The following CYP39A1 variants were observed in gnomAD, a reference collection of about 807,000 sequenced individuals.
The protein encoded by CYP39A1 is cytochrome P450 family 39 subfamily A member 1, also known as 24-hydroxycholesterol 7-alpha-hydroxylase.
Under a neutral mutation model 58.1 loss-of-function variants are expected in CYP39A1, and 49 were observed. The observed-to-expected ratio is 0.84, with a 90% CI of 0.67 to 1.07. The LOEUF is 1.07. Among genes scored for constraint, CYP39A1 ranks in the 50% least tolerant of loss-of-function variants. The probability of loss-of-function intolerance (pLI) is 0.00; values close to 1 mark genes in which losing one functional copy is unlikely to be tolerated. For missense variants in CYP39A1, 531 were observed against 539.4 expected (o/e 0.98, Z 0.16); for synonymous variants, 209 against 187.6 (o/e 1.11, Z -0.93).
At chr6:46,609,745 C>A (rs1283209721) in intron 7 of CYP39A1, among the ~76,000 whole-genome samples, 1 of 152,104 alleles carries the variant, frequency 6.6e-6, no homozygotes, top group Non-Finnish European at 1.5e-5. Flanking sequence ...GCTGAGAGAC[C>A]CTTCAAAAAT....
At chr6:46,648,698 T>G (rs184335483) in intron 1 of CYP39A1, among the ~76,000 whole-genome samples, 23 of 152,088 alleles carry the variant, frequency 1.5e-4, no homozygotes, top group Admixed American at 1.5e-3. Context: ...CCTACTCTTA[T>G]GCAAACAGTA....
At chr6:46,615,229 T>A (rs1774454025) in intron 7 of CYP39A1, among the ~76,000 whole-genome samples, 1 of 147,540 alleles carries the variant, frequency 6.8e-6, no homozygotes. Flanking sequence ...TATATATGAG[T>A]ATAAAAAATA....
intron 8 of CYP39A1, among the ~76,000 whole-genome samples, chr6:46,593,191 C>A (rs549325580): frequency 6.6e-6 from 1 of 151,998 alleles, no homozygotes; most frequent in Non-Finnish European, 1.5e-5. Flanking sequence ...TAGATAGTTG[C>A]GGTAGTACAT....
intron 10 of CYP39A1, among the ~76,000 whole-genome samples, chr6:46,565,812 C>A (rs375521869): frequency 1.3e-5 from 2 of 152,162 alleles, no homozygotes; most frequent in Non-Finnish European, 2.9e-5. Context: ...CCCGACATCA[C>A]CTCATTGTTA....
chr6:46,559,183 G>A (rs1770834134), intron 10 of CYP39A1, among the ~76,000 whole-genome samples: 1 of 152,080 alleles, frequency 6.6e-6, no homozygotes, highest in Non-Finnish European at 1.5e-5. Flanking sequence ...CAAGTCCCAA[G>A]GACAACCATG....
Position 46,576,262 on chromosome 6 carries a change from G to A in CYP39A1, c.1250+10815C>T, listed in dbSNP as rs376827284. Among the ~76,000 whole-genome samples the A allele has an allele frequency of 8.5e-5, 13 of 152,174 alleles. No individual in the cohort carries two copies. In the South Asian group the frequency reaches 2.1e-3, roughly 24 times the overall value. On this transcript the variant is annotated intron_variant, in intron 10 of 11. Coordinates refer to ENST00000275016, the MANE Select transcript of CYP39A1 (RefSeq NM_016593.5). ...ATCCAATCACCTCCCACCAGGACCC[G>A]CCTCCAAAACGAAGGATTCCAATTC...
rs3799871 is a variant in CYP39A1 at position 46,617,140 on chromosome 6, T to G, written c.931+8278A>C. On this transcript the variant is annotated intron_variant, in intron 7 of 11. Transcript: ENST00000275016. ...CCCTTAATTTCTTTGGGTAATTCTA[T>G]TGTCTTGGCAGACACATCATATTGT... Among the ~76,000 whole-genome samples the G allele has an allele frequency of 4.7e-3, 723 of 152,270 alleles. 26 individuals are homozygous for G. In the East Asian group the frequency reaches 0.085, roughly 18 times the overall value.
At chr6:46,566,085 T>C (rs1168349593) in intron 10 of CYP39A1, among the ~76,000 whole-genome samples, 1 of 152,176 alleles carries the variant, frequency 6.6e-6, no homozygotes, top group Admixed American at 6.5e-5. Flanking sequence ...TTTGACATAC[T>C]GTTTTCTGTT....
chr6:46,632,731 C>T (rs1401430794), intron 5 of CYP39A1, among the ~76,000 whole-genome samples: 2 of 152,050 alleles, frequency 1.3e-5, no homozygotes, highest in Non-Finnish European at 2.9e-5. Context: ...TTGCCAGGGA[C>T]ATATAGCTTG....
Position 46,605,740 on chromosome 6 carries a change from C to T in CYP39A1, c.932-9620G>A, listed in dbSNP as rs1045272681. On this transcript the variant is annotated intron_variant, in intron 7 of 11. Coordinates refer to ENST00000275016, the MANE Select transcript of CYP39A1 (RefSeq NM_016593.5). ...AACAATTTACCTTTATTTTAAAAACCAAGGTGGTTCCAGCAAGCTAGGGCC... is the reference window on the plus strand; with the variant it reads ...AACAATTTACCTTTATTTTAAAAACTAAGGTGGTTCCAGCAAGCTAGGGCC... Among the ~76,000 whole-genome samples the T allele has an allele frequency of 2.6e-5, 4 of 152,090 alleles. No individual in the cohort carries two copies. In the East Asian group the frequency reaches 7.7e-4, roughly 29 times the overall value.
At chr6:46,595,899 A>C (rs1773117727) in intron 8 of CYP39A1, 88 bp downstream of exon 8, 4 of 1,234,056 alleles carry the variant, frequency 3.2e-6, no homozygotes. Context: ...AAATAAATCA[A>C]GATATGTCAA....
At chr6:46,625,802 T>G (rs1016217064) in intron 6 of CYP39A1, among the ~76,000 whole-genome samples, 1 of 152,176 alleles carries the variant, frequency 6.6e-6, no homozygotes, top group Admixed American at 6.5e-5. Flanking sequence ...TTATTTTTAC[T>G]AATGAGTAAC....
At chr6:46,553,151 G>A (rs1770500044) in intron 11 of CYP39A1, among the ~76,000 whole-genome samples, 1 of 149,986 alleles carries the variant, frequency 6.7e-6, no homozygotes, top group Non-Finnish European at 1.5e-5. Context: ...AGAAATTCTA[G>A]CGATAAATAG....
intron 5 of CYP39A1, among the ~76,000 whole-genome samples, chr6:46,634,903 A>G (rs1301772871): frequency 6.6e-6 from 1 of 152,200 alleles, no homozygotes; most frequent in Admixed American, 6.5e-5. Context: ...TACATCTTTT[A>G]TATACATGTG....
In CYP39A1 at chr6:46,550,253, G is replaced by A; in HGVS notation, c.*113C>T. On this transcript the variant is annotated 3_prime_UTR_variant, in exon 12 of 12. Transcript: ENST00000275016. ...CCATTTGAATGTGTTCTTGAACTAA[G>A]TCCTAAAACAAAGTGAAGCAGTGTG... 1.3e-6 allele frequency: 1 copy of A among 752,682 alleles called. No individual in the cohort carries two copies. Among genetic ancestry groups the A allele is most frequent in the African/African-American group, 1.8e-5 (1 of 57,128 alleles). 46.6% of individuals were successfully genotyped at this position (752,682 alleles called of 1,614,324 possible). A position where few individuals can be genotyped will look rare whatever the true frequency, so the allele number is the denominator to read the frequency against.
chr6:46,602,995 T>G (rs1216762658), intron 7 of CYP39A1, among the ~76,000 whole-genome samples: 4 of 151,968 alleles, frequency 2.6e-5, no homozygotes, highest in African/African-American at 7.3e-5. Context: ...ATGATTGAAT[T>G]TTTAACTGGC....
chr6:46,642,013 A>G, intron 2 of CYP39A1, 150 bp downstream of exon 2: 2 of 836,912 alleles, frequency 2.4e-6, no homozygotes, highest in Non-Finnish European at 1.9e-6. Flanking sequence ...TATTCTACCC[A>G]TAACTCTTTC....
intron 1 of CYP39A1, among the ~76,000 whole-genome samples, chr6:46,645,074 C>T (rs1455486623): frequency 6.6e-6 from 1 of 151,934 alleles, no homozygotes; most frequent in Non-Finnish European, 1.5e-5. Flanking sequence ...AATATTTTAT[C>T]CCAGTGTGTA....
chr6:46,557,821 C>T (rs1404921737), intron 10 of CYP39A1, among the ~76,000 whole-genome samples: 1 of 149,930 alleles, frequency 6.7e-6, no homozygotes, highest in Non-Finnish European at 1.5e-5. Context: ...CCTGTAATCC[C>T]AGCTACTGCG....
Sources: gnomAD v4.1 joint callset for allele counts (sites outside exome capture counted in the v4.1 genomes callset) on GRCh38, gnomAD v4.1.1 for gene constraint, MANE v1.5 for transcripts, NCBI Gene and HGNC (gene_info 2026-07-23, HGNC 2026-07-21) for gene names.